The following PRKCA variants were observed in gnomAD, a reference collection of about 807,000 sequenced individuals.
The protein encoded by PRKCA is protein kinase C alpha, also known as protein kinase C alpha type.
In PRKCA, 27 loss-of-function variants were observed where a neutral mutation model predicts 87.0. The ratio of observed to expected loss-of-function variants is 0.31; its 90% CI spans 0.23 to 0.43. The LOEUF is 0.43. PRKCA is among the 20% of genes least tolerant of loss of function. The pLI, the probability that PRKCA is intolerant of heterozygous loss-of-function variation, is 1.00. For missense variants in PRKCA, 518 were observed against 852.3 expected (o/e 0.61, Z 4.88); for synonymous variants, 329 against 311.1 (o/e 1.06, Z -0.61).
At chr17:66,795,187 A>C (rs1975638459) in intron 16 of PRKCA, among the ~76,000 whole-genome samples, 1 of 152,144 alleles carries the variant, frequency 6.6e-6, no homozygotes. Flanking sequence ...CCAGCAAGCT[A>C]GGTATGTAGT....
chr17:66,750,785 T>C (rs192345114), intron 13 of PRKCA, among the ~76,000 whole-genome samples: 3 of 152,332 alleles, frequency 2.0e-5, no homozygotes, highest in Admixed American at 2.0e-4. Context: ...AATTCCTGGA[T>C]GGTGAAACTG....
intron 3 of PRKCA, among the ~76,000 whole-genome samples, chr17:66,500,470 C>T (rs1169586385): frequency 6.6e-6 from 1 of 152,172 alleles, no homozygotes; most frequent in African/African-American, 2.4e-5. Flanking sequence ...TTTCTGAATA[C>T]CATTTTTCTG....
intron 16 of PRKCA, among the ~76,000 whole-genome samples, chr17:66,798,501 T>TAC (rs1975749866): frequency 1.3e-5 from 1 of 76,682 alleles, no homozygotes; most frequent in Non-Finnish European, 2.4e-5. Flanking sequence ...GTGGTGGTGG[T>TAC]GGTGGTGACG....
At position 66,326,479 on chromosome 17, in the gene PRKCA, G is replaced by A. The variant is rs115838600; in HGVS notation, c.205+20352G>A. Among the ~76,000 whole-genome samples the A allele has an allele frequency of 5.3e-3, 800 of 152,254 alleles. 10 individuals are homozygous for A. The highest frequency in any genetic ancestry group is 0.019 in the African/African-American group (770 of 41,534). On this transcript the variant is annotated intron_variant, in intron 2 of 16. Coordinates refer to ENST00000413366, the MANE Select transcript of PRKCA (RefSeq NM_002737.3). ...CTGGCAAATTTATAAGATTGAGAAGGTTTCAAAGATGCATGAAAATGGGTT... is the reference window on the plus strand; with the variant it reads ...CTGGCAAATTTATAAGATTGAGAAGATTTCAAAGATGCATGAAAATGGGTT...
intron 2 of PRKCA, among the ~76,000 whole-genome samples, chr17:66,373,743 C>T (rs1598622843): frequency 6.6e-6 from 1 of 152,176 alleles, no homozygotes; most frequent in African/African-American, 2.4e-5. Flanking sequence ...TGTAGGAAAG[C>T]GGCCATTAAA....
chr17:66,527,496 G>A (rs577261545), intron 3 of PRKCA, among the ~76,000 whole-genome samples: 1 of 152,162 alleles, frequency 6.6e-6, no homozygotes, highest in Non-Finnish European at 1.5e-5. Context: ...AGACAATAGG[G>A]TGATTATTTC....
At chr17:66,579,216 A>G (rs1446888114) in intron 3 of PRKCA, among the ~76,000 whole-genome samples, 1 of 152,200 alleles carries the variant, frequency 6.6e-6, no homozygotes, top group Non-Finnish European at 1.5e-5. Flanking sequence ...CATCACGACC[A>G]TAATTACGTA....
rs117783435 is a variant in PRKCA, at chr17:66,349,046, G to A, written c.205+42919G>A. 1.4e-3 allele frequency among the ~76,000 whole-genome samples: 220 copies of A among 152,286 alleles called. 6 individuals are homozygous for A. The East Asian group carries it at 0.039, about 27-fold the overall frequency. ...GAGCTTCAGTAATTTCTCTTACGAA[G>A]TGTTCAAAATGCACCAGAACCTGAA... On this transcript the variant is annotated intron_variant, in intron 2 of 16. Coordinates refer to ENST00000413366, the MANE Select transcript of PRKCA (RefSeq NM_002737.3).
intron 14 of PRKCA, 49 bp from the exon 15 acceptor site, chr17:66,786,818 G>T: frequency 1.3e-6 from 2 of 1,512,188 alleles, no homozygotes; most frequent in South Asian, 2.3e-5. Flanking sequence ...CCATGTGAAT[G>T]AATTACTCTG....
chr17:66,698,977 T>TA (rs927919953), intron 8 of PRKCA, among the ~76,000 whole-genome samples: 1 of 148,402 alleles, frequency 6.7e-6, no homozygotes, highest in Non-Finnish European at 1.5e-5. Flanking sequence ...GAGACTGTCT[T>TA]AAAAAAAAGA....
At chr17:66,426,501 G>A (rs975311833) in intron 2 of PRKCA, among the ~76,000 whole-genome samples, 2 of 152,174 alleles carry the variant, frequency 1.3e-5, no homozygotes, top group African/African-American at 4.8e-5. Flanking sequence ...TAAGTGAAAC[G>A]TTAAAAGATT....
chr17:66,475,270 C>T (rs1419232313), intron 2 of PRKCA, among the ~76,000 whole-genome samples: 1 of 152,114 alleles, frequency 6.6e-6, no homozygotes, highest in Non-Finnish European at 1.5e-5. Context: ...GGAACTCTCA[C>T]CTCCTCCATC....
chr17:66,580,327 C>G (rs1423001037), intron 3 of PRKCA, among the ~76,000 whole-genome samples: 1 of 152,192 alleles, frequency 6.6e-6, no homozygotes, highest in Admixed American at 6.5e-5. Context: ...CCAATCTGTG[C>G]ACGACCTGCT....
intron 2 of PRKCA, among the ~76,000 whole-genome samples, chr17:66,361,920 T>C (rs1329097562): frequency 6.6e-6 from 1 of 152,132 alleles, no homozygotes; most frequent in East Asian, 1.9e-4. Context: ...AATGTGAGAG[T>C]GTCTGTTTCC....
chr17:66,368,386 A>ATTTTTTTT (rs1180540465), intron 2 of PRKCA, among the ~76,000 whole-genome samples: 4 of 25,470 alleles, frequency 1.6e-4, no homozygotes, highest in East Asian at 1.8e-3. Flanking sequence ...ATATATATAT[A>ATTTTTTTT]TTTTTTTTTT....
In PRKCA at chr17:66,739,902, G is replaced by C. The variant is rs186118980; in HGVS notation, c.1322+1047G>C. Among the ~76,000 whole-genome samples the C allele has an allele frequency of 6.8e-4, 104 of 152,240 alleles. 1 individual carries two copies. Among genetic ancestry groups the C allele is most frequent in the Admixed American group, 1.8e-3 (28 of 15,296 alleles). On this transcript the variant is annotated intron_variant, in intron 11 of 16. Coordinates refer to ENST00000413366, the MANE Select transcript of PRKCA (RefSeq NM_002737.3). ...TCAGTTTTTGCAGAGCTCTCTGGGG[G>C]AAGAAGGAAGCATGAAAGGAAATGG...
At chr17:66,398,243 A>G (rs1054561404) in intron 2 of PRKCA, 1 of 152,202 alleles carries the variant, frequency 6.6e-6, no homozygotes, top group Non-Finnish European at 1.5e-5. Context: ...AACAGACTAA[A>G]ATCAGAGTAA....
intron 3 of PRKCA, among the ~76,000 whole-genome samples, chr17:66,628,273 C>T (rs1970913629): frequency 6.6e-6 from 1 of 152,036 alleles, no homozygotes; most frequent in South Asian, 2.1e-4. Flanking sequence ...GACACTTGCA[C>T]AGTGTGTGCT....
chr17:66,602,457 C>G (rs1469457108), intron 3 of PRKCA, among the ~76,000 whole-genome samples: 1 of 151,088 alleles, frequency 6.6e-6, no homozygotes, highest in African/African-American at 2.4e-5. Flanking sequence ...CACTGACCTG[C>G]GCCCACTGTC....
Sources: gnomAD v4.1 joint callset for allele counts (sites outside exome capture counted in the v4.1 genomes callset) on GRCh38, gnomAD v4.1.1 for gene constraint, MANE v1.5 for transcripts, NCBI Gene and HGNC (gene_info 2026-07-23, HGNC 2026-07-21) for gene names.